CCDC62: variants seen among roughly 807,000 people sequenced by gnomAD.
CCDC62 encodes the protein coiled-coil domain-containing protein 62.
Under a neutral mutation model 80.8 loss-of-function variants are expected in CCDC62, and 72 were observed. That is an observed-to-expected ratio of 0.89 (90% CI 0.74 to 1.08). The LOEUF is 1.08. Among genes scored for constraint, CCDC62 ranks in the 50% least tolerant of loss-of-function variants. The pLI, the probability that CCDC62 is intolerant of heterozygous loss-of-function variation, is 0.00. For missense variants in CCDC62, 704 were observed against 809.4 expected (o/e 0.87, Z 1.58); for synonymous variants, 286 against 296.5 (o/e 0.96, Z 0.36).
At chr12:122,820,061 CAAAAAAAAAAA>C (rs34620795) in intron 11 of CCDC62, among the ~76,000 whole-genome samples, 1 of 58,114 alleles carries the variant, frequency 1.7e-5, no homozygotes, top group Non-Finnish European at 2.8e-5. Context: ...GATCCTGTCT[CAAAAAAAAAAA>C]AAAAAAAAAA....
At chr12:122,806,499 T>G (rs1012907996) in intron 10 of CCDC62, among the ~76,000 whole-genome samples, 1 of 151,942 alleles carries the variant, frequency 6.6e-6, no homozygotes, top group African/African-American at 2.4e-5. Context: ...TCTGTTTCTT[T>G]GAGACAGGAT....
chr12:122,782,274 T>G (rs1318862363), intron 3 of CCDC62, among the ~76,000 whole-genome samples: 3 of 152,208 alleles, frequency 2.0e-5, no homozygotes, highest in Non-Finnish European at 4.4e-5. Flanking sequence ...CTCCTACAGT[T>G]TTGGTTAGCT....
chr12:122,797,259 T>C (rs1593801653), intron 6 of CCDC62, 48 bp from the exon 7 acceptor site: 1 of 877,074 alleles, frequency 1.1e-6, no homozygotes, highest in Non-Finnish European at 1.9e-6. Flanking sequence ...GAGAGGTTTG[T>C]GTGGCTATAG....
intron 4 of CCDC62, among the ~76,000 whole-genome samples, chr12:122,788,324 G>A (rs2030392093): frequency 6.6e-6 from 1 of 152,184 alleles, no homozygotes; most frequent in Non-Finnish European, 1.5e-5. Context: ...GAAAATGGGA[G>A]GGAATGATGG....
In CCDC62 at chr12:122,813,403, C is replaced by T. The variant is rs947498529; in HGVS notation, c.1985C>T (p.Thr662Ile). ...TLLPISHENL[T>I]GSATNKSEVP... ...CTGCCCATCAGCCATGAGAATCTCACTGGCAGTGCCACAAATGTATGCGTT... is the reference window on the plus strand; with the variant it reads ...CTGCCCATCAGCCATGAGAATCTCATTGGCAGTGCCACAAATGTATGCGTT... The change falls in exon 11 of 13, where the codon ACT (threonine) becomes ATT (isoleucine). Residue 662 changes from threonine to isoleucine, a missense_variant. Physicochemically the swap from Thr to Ile is moderately conservative, Grantham distance 89. Coordinates refer to ENST00000253079, the MANE Select transcript of CCDC62 (RefSeq NM_201435.5). 3.1e-6 allele frequency: 5 copies of T among 1,612,654 alleles called. No homozygotes were observed. The highest frequency in any genetic ancestry group is 1.3e-5 in the African/African-American group (1 of 75,020).
intron 4 of CCDC62, 112 bp downstream of exon 4, chr12:122,785,932 C>A: frequency 1.4e-6 from 1 of 714,324 alleles, no homozygotes; most frequent in South Asian, 1.7e-5. Context: ...ACCAACGTTG[C>A]TCTTGTTTTT....
intron 1 of CCDC62, 186 bp from the exon 2 acceptor site, chr12:122,777,305 T>G: frequency 1.8e-6 from 1 of 551,064 alleles, no homozygotes; most frequent in African/African-American, 1.9e-5. Context: ...AGAGGCAGAG[T>G]GCATGGTAGA....
At chr12:122,793,963 A>G (rs1428960752) in intron 6 of CCDC62, among the ~76,000 whole-genome samples, 1 of 152,216 alleles carries the variant, frequency 6.6e-6, no homozygotes, top group African/African-American at 2.4e-5. Flanking sequence ...TTGGACCAGC[A>G]TTTGTACGCC....
At chr12:122,820,061 C>CAAAAAAAAAA (rs34620795) in intron 11 of CCDC62, among the ~76,000 whole-genome samples, 1 of 58,090 alleles carries the variant, frequency 1.7e-5, no homozygotes, top group Non-Finnish European at 2.8e-5. Context: ...GATCCTGTCT[C>CAAAAAAAAAA]AAAAAAAAAA....
intron 10 of CCDC62, among the ~76,000 whole-genome samples, chr12:122,808,375 G>A (rs4038081): frequency 0.84 from 128,110 of 151,786 alleles, 55,260 homozygotes; most frequent in East Asian, 0.99. Context: ...TCATTTGTCA[G>A]TGGACATTTG....
rs149451449 is a variant in CCDC62, at chr12:122,801,568, A to G, written c.1422A>G (p.Pro474=). 6,407 of 1,614,170 alleles carry G rather than the reference A, an allele frequency of 4.0e-3. 31 individuals are homozygous for G. The highest frequency in any genetic ancestry group is 4.8e-3 in the Non-Finnish European group (5,646 of 1,180,028). Residue 474 remains proline (P), a synonymous_variant, in exon 9 of 13, where the codon CCA becomes CCG. Coordinates refer to ENST00000253079, the MANE Select transcript of CCDC62 (RefSeq NM_201435.5). ...VSVYLGLTNC[P]SSKHPEKLDV... Reference sequence around the variant, plus strand: ...TTTACCTGGGCCTGACCAACTGTCCAAGTTCAAAACATCCAGAAAAGCTGG... The same window carrying G: ...TTTACCTGGGCCTGACCAACTGTCCGAGTTCAAAACATCCAGAAAAGCTGG...
At chr12:122,783,129 G>C (rs1373619778) in intron 3 of CCDC62, among the ~76,000 whole-genome samples, 1 of 145,502 alleles carries the variant, frequency 6.9e-6, no homozygotes, top group Non-Finnish European at 1.5e-5. Flanking sequence ...GGATTTTTTT[G>C]GTTTTCTCTT....
chr12:122,798,591 G>GAA (rs2031107162), intron 8 of CCDC62, among the ~76,000 whole-genome samples: 1 of 150,990 alleles, frequency 6.6e-6, no homozygotes, highest in South Asian at 2.1e-4. Flanking sequence ...AACAGAGCAA[G>GAA]ATTCTGTTTC....
At chr12:122,814,230 G>A (rs1289454288) in intron 11 of CCDC62, among the ~76,000 whole-genome samples, 3 of 142,804 alleles carry the variant, frequency 2.1e-5, no homozygotes, top group Non-Finnish European at 4.5e-5. Flanking sequence ...ATGGTAAGCC[G>A]AGATTGTGCC....
At chr12:122,787,718 T>C (rs1441773995) in intron 4 of CCDC62, among the ~76,000 whole-genome samples, 1 of 150,368 alleles carries the variant, frequency 6.7e-6, no homozygotes, top group African/African-American at 2.5e-5. Flanking sequence ...GCCACTGCAC[T>C]CCAGCCTGGT....
intron 10 of CCDC62, among the ~76,000 whole-genome samples, chr12:122,808,258 C>T (rs1265635027): frequency 6.6e-6 from 1 of 152,068 alleles, no homozygotes; most frequent in Non-Finnish European, 1.5e-5. Flanking sequence ...GATCGTGCTA[C>T]TGGACTCCAG....
chr12:122,795,590 A>AT (rs1399697885), intron 6 of CCDC62, among the ~76,000 whole-genome samples: 8 of 151,866 alleles, frequency 5.3e-5, no homozygotes, highest in African/African-American at 1.7e-4. Context: ...TGCCCAGCTA[A>AT]TTTTTTGTAT....
At chr12:122,796,316 A>AT (rs139299952) in intron 6 of CCDC62, among the ~76,000 whole-genome samples, 38 of 149,618 alleles carry the variant, frequency 2.5e-4, no homozygotes, top group Non-Finnish European at 4.6e-4. Flanking sequence ...GTATTTATTT[A>AT]TTTTTTTTAA....
At chr12:122,787,143 G>T (rs755704682) in intron 4 of CCDC62, among the ~76,000 whole-genome samples, 1 of 152,058 alleles carries the variant, frequency 6.6e-6, no homozygotes, top group Non-Finnish European at 1.5e-5. Flanking sequence ...CAGTGGGTGC[G>T]TTAGGAAGGC....
Sources: allele counts gnomAD v4.1 joint callset (sites outside exome capture counted in the v4.1 genomes callset), GRCh38; gene constraint gnomAD v4.1.1; transcripts MANE v1.5; gene names NCBI Gene and HGNC (gene_info 2026-07-23, HGNC 2026-07-21).